The following XRCC4 variants were observed in gnomAD, a reference collection of about 807,000 sequenced individuals.
XRCC4 encodes DNA repair protein XRCC4.
In XRCC4, 28 loss-of-function variants were observed where a neutral mutation model predicts 39.1. The observed-to-expected ratio is 0.72, with a 90% CI of 0.53 to 0.98. XRCC4 has a LOEUF of 0.98. Ranked by LOEUF, XRCC4 falls within the 50% of genes least tolerant of loss-of-function variation. The probability of loss-of-function intolerance (pLI) is 0.00; values close to 1 mark genes in which losing one functional copy is unlikely to be tolerated. For missense variants in XRCC4, 350 were observed against 376.4 expected (o/e 0.93, Z 0.58); for synonymous variants, 123 against 126.4 (o/e 0.97, Z 0.18).
intron 3 of XRCC4, among the ~76,000 whole-genome samples, chr5:83,140,109 A>G (rs1748094176): frequency 6.6e-6 from 1 of 152,212 alleles, no homozygotes; most frequent in African/African-American, 2.4e-5. Context: ...CCAGAGGGAC[A>G]GAACTAATAG....
chr5:83,345,917 A>G (rs1756904151), intron 7 of XRCC4, among the ~76,000 whole-genome samples: 1 of 152,070 alleles, frequency 6.6e-6, no homozygotes. Context: ...AGTTAATTAG[A>G]TGATGTAGTG....
At chr5:83,274,177 C>T (rs1272692688) in intron 7 of XRCC4, among the ~76,000 whole-genome samples, 2 of 152,140 alleles carry the variant, frequency 1.3e-5, no homozygotes, top group Non-Finnish European at 2.9e-5. Context: ...TTCTGTTTTC[C>T]CTTTCCAGTA....
At chr5:83,326,349 T>C (rs1423365580) in intron 7 of XRCC4, among the ~76,000 whole-genome samples, 2 of 152,112 alleles carry the variant, frequency 1.3e-5, no homozygotes, top group Non-Finnish European at 2.9e-5. Flanking sequence ...CTGAATTGTA[T>C]TGCCTACATT....
chr5:83,084,032 G>T (rs1193944225), intron 1 of XRCC4, among the ~76,000 whole-genome samples: 1 of 152,078 alleles, frequency 6.6e-6, no homozygotes, highest in Admixed American at 6.6e-5. Flanking sequence ...AGAGAGTTGC[G>T]AATGTGTCTT....
chr5:83,165,461 G>A (rs1167566439), intron 3 of XRCC4, among the ~76,000 whole-genome samples: 1 of 152,060 alleles, frequency 6.6e-6, no homozygotes, highest in Non-Finnish European at 1.5e-5. Flanking sequence ...GTGATCTTCA[G>A]GCCATTTATT....
intron 3 of XRCC4, among the ~76,000 whole-genome samples, chr5:83,159,008 G>A (rs1749084676): frequency 6.6e-6 from 1 of 152,198 alleles, no homozygotes; most frequent in Non-Finnish European, 1.5e-5. Flanking sequence ...CATACAAATT[G>A]AGAGAAGAAA....
intron 1 of XRCC4, among the ~76,000 whole-genome samples, chr5:83,083,426 G>T (rs1041999965): frequency 6.9e-6 from 1 of 144,908 alleles, no homozygotes; most frequent in African/African-American, 2.6e-5. Flanking sequence ...TCCCAGGCTG[G>T]AGTGCAGTGG....
intron 3 of XRCC4, among the ~76,000 whole-genome samples, chr5:83,178,673 G>A (rs1260686664): frequency 6.6e-6 from 1 of 152,116 alleles, no homozygotes; most frequent in Non-Finnish European, 1.5e-5. Context: ...GATTAAGGGA[G>A]ATTTTTAAAA....
At chr5:83,349,183 T>C (rs767569108) in intron 7 of XRCC4, among the ~76,000 whole-genome samples, 20 of 152,292 alleles carry the variant, frequency 1.3e-4, no homozygotes, top group Non-Finnish European at 2.2e-4. Context: ...CCCACTTCTC[T>C]GGTTACACAC....
chr5:83,245,592 T>C (rs1036836305), intron 6 of XRCC4, among the ~76,000 whole-genome samples: 2 of 152,140 alleles, frequency 1.3e-5, no homozygotes, highest in Non-Finnish European at 2.9e-5. Context: ...ATTTTTTGGC[T>C]GAAAATTAAT....
intron 2 of XRCC4, 110 bp from the exon 3 acceptor site, chr5:83,110,918 G>GT (rs56225681): frequency 9.4e-7 from 1 of 1,064,068 alleles, no homozygotes; most frequent in East Asian, 2.8e-5. Flanking sequence ...GATTTTACTT[G>GT]TTTGAATTTC....
At chr5:83,188,284 T>G (rs1233649841) in intron 3 of XRCC4, among the ~76,000 whole-genome samples, 1 of 152,108 alleles carries the variant, frequency 6.6e-6, no homozygotes. Flanking sequence ...TTGAGTTCCT[T>G]GTAGCCTTTT....
chr5:83,223,271 C>T (rs1228622655), intron 6 of XRCC4, among the ~76,000 whole-genome samples: 2 of 151,964 alleles, frequency 1.3e-5, no homozygotes, highest in Non-Finnish European at 2.9e-5. Context: ...TTGAAGTTCC[C>T]TATTATTATC....
At chr5:83,340,594 A>C (rs1276980402) in intron 7 of XRCC4, among the ~76,000 whole-genome samples, 1 of 151,464 alleles carries the variant, frequency 6.6e-6, no homozygotes, top group East Asian at 1.9e-4. Context: ...TTTTGAAGAC[A>C]GGAAGGGAGT....
chr5:83,275,742 C>T (rs889507640), intron 7 of XRCC4, among the ~76,000 whole-genome samples: 1 of 152,154 alleles, frequency 6.6e-6, no homozygotes, highest in African/African-American at 2.4e-5. Context: ...TTAAAGTGAG[C>T]ACAGACAGCC....
intron 6 of XRCC4, among the ~76,000 whole-genome samples, chr5:83,250,310 A>G (rs1035976500): frequency 1.3e-5 from 2 of 152,250 alleles, no homozygotes; most frequent in East Asian, 1.9e-4. Flanking sequence ...TCTTTTCTTA[A>G]TGTTAACTGG....
chr5:83,096,670 G>T (rs1463237040), intron 1 of XRCC4, among the ~76,000 whole-genome samples: 1 of 152,072 alleles, frequency 6.6e-6, no homozygotes, highest in Non-Finnish European at 1.5e-5. Flanking sequence ...TCTTATTGTA[G>T]GTGTACACAT....
chr5:83,161,638 A>C (rs1215019532), intron 3 of XRCC4, among the ~76,000 whole-genome samples: 1 of 152,212 alleles, frequency 6.6e-6, no homozygotes, highest in Admixed American at 6.5e-5. Context: ...ATGTAACAGA[A>C]TTAGTTGCTA....
chr5:83,306,652 A>G (rs1366614844), intron 7 of XRCC4, among the ~76,000 whole-genome samples: 1 of 152,226 alleles, frequency 6.6e-6, no homozygotes, highest in African/African-American at 2.4e-5. Context: ...GGCTTTTCAA[A>G]TTAAGCAATA....
Sources: gnomAD v4.1 joint callset for allele counts (sites outside exome capture counted in the v4.1 genomes callset) on GRCh38, gnomAD v4.1.1 for gene constraint, MANE v1.5 for transcripts, NCBI Gene and HGNC (gene_info 2026-07-23, HGNC 2026-07-21) for gene names.